Variants in ANKS1B observed in about 807,000 individuals in gnomAD.
The protein encoded by ANKS1B is ankyrin repeat and sterile alpha motif domain-containing protein 1B.
ANKS1B carries 36 observed loss-of-function variants against 148.3 expected under a neutral mutation model. The ratio of observed to expected loss-of-function variants is 0.24; its 90% CI spans 0.19 to 0.32. The LOEUF (loss-of-function observed/expected upper bound fraction) is 0.32. Among genes scored for constraint, ANKS1B ranks in the 10% least tolerant of loss-of-function variants. The pLI is 1.00. For synonymous variants in ANKS1B, 542 were observed against 560.8 expected (o/e 0.97, Z 0.47); for missense variants, 1,157 against 1,542.6 (o/e 0.75, Z 4.19).
intron 17 of ANKS1B, among the ~76,000 whole-genome samples, chr12:98,929,900 C>T (rs1250372211): frequency 2.0e-5 from 3 of 152,010 alleles, no homozygotes; most frequent in Non-Finnish European, 4.4e-5. Context: ...AGCAATGACA[C>T]TGAAAGCACA....
chr12:99,813,974 C>A (rs2068765656), intron 2 of ANKS1B, among the ~76,000 whole-genome samples: 1 of 151,614 alleles, frequency 6.6e-6, no homozygotes, highest in African/African-American at 2.4e-5. Flanking sequence ...ATTATCATAC[C>A]TCATTTTTAC....
intron 1 of ANKS1B, among the ~76,000 whole-genome samples, chr12:99,961,149 A>C (rs2095406949): frequency 6.6e-6 from 1 of 152,168 alleles, no homozygotes; most frequent in Non-Finnish European, 1.5e-5. Flanking sequence ...GAATTGTTTG[A>C]ACCCAGGAGG....
chr12:99,094,118 A>G, intron 15 of ANKS1B, among the ~76,000 whole-genome samples: 1 of 152,306 alleles, frequency 6.6e-6, no homozygotes, highest in East Asian at 1.9e-4. Context: ...ATATTTTTTG[A>G]GCATTTATTA....
intron 4 of ANKS1B, among the ~76,000 whole-genome samples, chr12:99,799,062 T>C (rs1384358767): frequency 6.6e-6 from 1 of 152,150 alleles, no homozygotes; most frequent in African/African-American, 2.4e-5. Flanking sequence ...CTTTTCTTTA[T>C]TCCACGCTTT....
chr12:98,781,350 C>A (rs1345928677), intron 23 of ANKS1B, 147 bp from the exon 24 acceptor site: 1 of 683,740 alleles, frequency 1.5e-6, no homozygotes, highest in Non-Finnish European at 2.7e-6. Context: ...ACATCAGATA[C>A]ACACCACGCA....
rs111501727 is a variant in ANKS1B at position 99,740,302 on chromosome 12, C to T, written c.1128+32620G>A. Among the ~76,000 whole-genome samples, 291 of 149,322 alleles carry T rather than the reference C, an allele frequency of 1.9e-3. 6 individuals are homozygous for T. The highest frequency in any genetic ancestry group is 5.6e-3 in the African/African-American group (225 of 40,386). ...TCCAGCCTGGTTAACAGAGGGAGAC[C>T]GTGTCTCAAAAACAAAAACAAAAAC... is the stretch of plus-strand genomic sequence containing the variant. On this transcript the variant is annotated intron_variant, in intron 8 of 26. Coordinates refer to ENST00000683438, the MANE Select transcript of ANKS1B (RefSeq NM_001352186.2).
chr12:99,189,905 T>C (rs2080413142), intron 14 of ANKS1B, among the ~76,000 whole-genome samples: 2 of 152,194 alleles, frequency 1.3e-5, no homozygotes, highest in African/African-American at 4.8e-5. Flanking sequence ...CAAATGCCTC[T>C]GTTTGCAGAT....
At chr12:99,543,134 A>G (rs1000288699) in intron 9 of ANKS1B, among the ~76,000 whole-genome samples, 4 of 152,100 alleles carry the variant, frequency 2.6e-5, no homozygotes, top group African/African-American at 9.6e-5. Context: ...TTAACAATAA[A>G]AAGACAAATT....
intron 1 of ANKS1B, among the ~76,000 whole-genome samples, chr12:99,946,224 T>C (rs1230504532): frequency 1.3e-5 from 2 of 152,236 alleles, no homozygotes; most frequent in Non-Finnish European, 2.9e-5. Flanking sequence ...TCAATGTCTC[T>C]GACAGCATGC....
At chr12:99,463,988 C>T (rs1567152371) in intron 10 of ANKS1B, among the ~76,000 whole-genome samples, 2 of 152,288 alleles carry the variant, frequency 1.3e-5, no homozygotes, top group Non-Finnish European at 1.5e-5. Flanking sequence ...GACTGCCTCC[C>T]CAAGTGGGTC....
chr12:99,070,295 C>T (rs7316659), intron 16 of ANKS1B, among the ~76,000 whole-genome samples: 16 of 152,094 alleles, frequency 1.1e-4, no homozygotes, highest in African/African-American at 3.4e-4. Context: ...CATTGATTAC[C>T]GCCCCTCCTC....
intron 9 of ANKS1B, among the ~76,000 whole-genome samples, chr12:99,585,136 C>G (rs1219034664): frequency 2.0e-5 from 3 of 152,126 alleles, no homozygotes; most frequent in Non-Finnish European, 4.4e-5. Flanking sequence ...GCCTATAATC[C>G]TGTAAAATCA....
At chr12:98,876,448 A>G (rs2099690358) in intron 17 of ANKS1B, among the ~76,000 whole-genome samples, 1 of 152,200 alleles carries the variant, frequency 6.6e-6, no homozygotes, top group African/African-American at 2.4e-5. Flanking sequence ...TAATCTATCA[A>G]TTAATGTAAT....
At chr12:99,511,902 A>G (rs1011653335) in intron 9 of ANKS1B, among the ~76,000 whole-genome samples, 5 of 152,138 alleles carry the variant, frequency 3.3e-5, no homozygotes, top group Admixed American at 2.6e-4. Context: ...CACCTTATAC[A>G]AAAATTAACT....
chr12:99,103,907 T>C (rs1175758495), intron 15 of ANKS1B, among the ~76,000 whole-genome samples: 1 of 152,214 alleles, frequency 6.6e-6, no homozygotes, highest in Non-Finnish European at 1.5e-5. Context: ...TAATACTTAC[T>C]ATATACTTGC....
rs550894416 is a variant in ANKS1B, at chr12:99,642,791, T to C, written c.1272+12276A>G. On this transcript the variant is annotated intron_variant, in intron 9 of 26. Coordinates refer to ENST00000683438, the MANE Select transcript of ANKS1B (RefSeq NM_001352186.2). ...AGGATGGCAACAGAGCAAGACAACA[T>C]CTCAAATAAGTAAATTTATAAATAA... Among the ~76,000 whole-genome samples the C allele has an allele frequency of 7.2e-5, 11 of 152,222 alleles. No individual in the cohort carries two copies. In the South Asian group the frequency reaches 2.1e-3, roughly 29 times the overall value.
intron 1 of ANKS1B, among the ~76,000 whole-genome samples, chr12:99,912,354 A>T (rs1603451379): frequency 6.9e-6 from 1 of 145,804 alleles, no homozygotes; most frequent in Non-Finnish European, 1.5e-5. Context: ...TTCCCAATCA[A>T]TTTTTTTTTT....
chr12:99,441,102 A>G (rs1190879613), intron 11 of ANKS1B, among the ~76,000 whole-genome samples: 1 of 151,912 alleles, frequency 6.6e-6, no homozygotes, highest in Non-Finnish European at 1.5e-5. Flanking sequence ...AATTTTTAGA[A>G]CGGTCTTTAA....
chr12:99,453,626 C>G (rs1264221237), intron 10 of ANKS1B, among the ~76,000 whole-genome samples: 2 of 152,184 alleles, frequency 1.3e-5, no homozygotes, highest in Non-Finnish European at 2.9e-5. Context: ...AATCTTGAGT[C>G]AGAGGCATCC....
Sources: allele counts gnomAD v4.1 joint callset (sites outside exome capture counted in the v4.1 genomes callset), GRCh38; gene constraint gnomAD v4.1.1; transcripts MANE v1.5; gene names NCBI Gene and HGNC (gene_info 2026-07-23, HGNC 2026-07-21).